The following TMEM38B variants were observed in gnomAD, a reference collection of about 807,000 sequenced individuals.
TMEM38B encodes trimeric intracellular cation channel type B.
In TMEM38B, 24 loss-of-function variants were observed where a neutral mutation model predicts 28.7. The ratio of observed to expected loss-of-function variants is 0.84; its 90% confidence interval spans 0.61 to 1.18. The LOEUF (loss-of-function observed/expected upper bound fraction) is 1.18, where lower values mean the gene tolerates loss of function less well. Ranked by LOEUF, TMEM38B falls within the 50% of genes most tolerant of loss-of-function variation. The pLI, the probability that TMEM38B is intolerant of heterozygous loss-of-function variation, is 0.00. For synonymous variants in TMEM38B, 131 were observed against 127.7 expected (o/e 1.03, Z -0.17); for missense variants, 380 against 350.9 (o/e 1.08, Z -0.66).
intron 5 of TMEM38B, among the ~76,000 whole-genome samples, chr9:105,769,768 C>T (rs1355924715): frequency 6.6e-6 from 1 of 151,920 alleles, no homozygotes; most frequent in Admixed American, 6.6e-5. Flanking sequence ...ATTTTTATTG[C>T]AATTGTGTTT....
rs571975078 is a variant in TMEM38B, at chr9:105,774,305, T to G, written c.*225T>G. 1.5e-4 allele frequency: 54 copies of G among 366,830 alleles called. No individual in the cohort carries two copies. The highest frequency in any genetic ancestry group is 1.1e-3 in the African/African-American group (54 of 48,116). The allele number at this position is 366,830 out of a possible 1,614,324, so 22.7% of individuals were successfully genotyped here. On this transcript the variant is annotated 3_prime_UTR_variant, in exon 6 of 6. Coordinates refer to ENST00000374692, the MANE Select transcript of TMEM38B (RefSeq NM_018112.3). ...ATTATGCTTTACCGGTATAAGAGAT[T>G]CTGTTGTGATTATTTGAATAGTTTT...
intron 5 of TMEM38B, among the ~76,000 whole-genome samples, chr9:105,769,782 G>C (rs1481621882): frequency 3.3e-5 from 5 of 152,036 alleles, no homozygotes; most frequent in African/African-American, 1.2e-4. Flanking sequence ...TGTGTTTATT[G>C]TTTATTGCAA....
At position 105,729,724 on chromosome 9, in the gene TMEM38B, T is replaced by G. The variant is rs1836661513; in HGVS notation, c.542+7103T>G. On this transcript the variant is annotated intron_variant, in intron 4 of 5. Coordinates refer to ENST00000374692, the MANE Select transcript of TMEM38B (RefSeq NM_018112.3). ...CTTCCTACCCATGAGCAAGGAATGTTCTTTCATTTGTTTGTGTCCTCTTTT... is the reference window on the plus strand; with the variant it reads ...CTTCCTACCCATGAGCAAGGAATGTGCTTTCATTTGTTTGTGTCCTCTTTT... Among the ~76,000 whole-genome samples the G allele has an allele frequency of 2.6e-5, 4 of 152,330 alleles. No homozygotes were observed. The South Asian group carries it at 8.3e-4, about 32-fold the overall frequency.
intron 5 of TMEM38B, among the ~76,000 whole-genome samples, chr9:105,749,847 G>A (rs1837580853): frequency 6.6e-6 from 1 of 152,146 alleles, no homozygotes; most frequent in Non-Finnish European, 1.5e-5. Context: ...AAATTTTTGT[G>A]TGGACATGTG....
chr9:105,770,867 T>C (rs900059548), intron 5 of TMEM38B, among the ~76,000 whole-genome samples: 1 of 152,220 alleles, frequency 6.6e-6, no homozygotes, highest in African/African-American at 2.4e-5. Flanking sequence ...TATAGATATA[T>C]TTCAGTATGC....
At chr9:105,766,995 G>A (rs1826396858) in intron 5 of TMEM38B, among the ~76,000 whole-genome samples, 1 of 149,292 alleles carries the variant, frequency 6.7e-6, no homozygotes, top group South Asian at 2.1e-4. Flanking sequence ...GCGGTGTTTA[G>A]TTTTCTGTCC....
At chr9:105,733,536 A>G (rs1255621894) in intron 4 of TMEM38B, among the ~76,000 whole-genome samples, 1 of 151,638 alleles carries the variant, frequency 6.6e-6, no homozygotes, top group Non-Finnish European at 1.5e-5. Flanking sequence ...AGTTTAAGAA[A>G]TATTGGTATT....
In TMEM38B at chr9:105,758,546, A is replaced by C. The variant is rs565113460; in HGVS notation, c.660+10356A>C. On this transcript the variant is annotated intron_variant, in intron 5 of 5. Transcript: ENST00000374692. The stretch of plus-strand genomic sequence containing the variant: ...AAGTTACAAGACAACAGACTATCCA[A>C]CTGTTGAGGAAATTTCTTAAGAATC... The C allele has an allele frequency of 4.1e-6, 5 of 1,232,768 alleles. No individual in the cohort carries two copies. In the South Asian group the frequency reaches 6.0e-5, roughly 15 times the overall value. 76.4% of individuals were successfully genotyped at this position (1,232,768 alleles called of 1,614,324 possible).
At chr9:105,713,266 C>T (rs1317860402) in intron 2 of TMEM38B, among the ~76,000 whole-genome samples, 2 of 152,182 alleles carry the variant, frequency 1.3e-5, no homozygotes, top group Non-Finnish European at 1.5e-5. Context: ...ACTCCAAACC[C>T]CTCCCCGACA....
chr9:105,719,566 C>T (rs1213301969), intron 2 of TMEM38B, among the ~76,000 whole-genome samples: 1 of 151,924 alleles, frequency 6.6e-6, no homozygotes, highest in East Asian at 1.9e-4. Flanking sequence ...GTTCTTTTGC[C>T]CTGTGGCTAC....
intron 4 of TMEM38B, among the ~76,000 whole-genome samples, chr9:105,727,809 G>T (rs1836571787): frequency 6.6e-6 from 1 of 152,122 alleles, no homozygotes; most frequent in South Asian, 2.1e-4. Flanking sequence ...GATCCCTCAT[G>T]AATTATTTAT....
intron 4 of TMEM38B, among the ~76,000 whole-genome samples, chr9:105,733,714 G>T (rs1439700521): frequency 1.3e-5 from 2 of 151,618 alleles, no homozygotes; most frequent in African/African-American, 4.8e-5. Flanking sequence ...TTTTTTTAAG[G>T]AATTTATTCA....
intron 5 of TMEM38B, among the ~76,000 whole-genome samples, chr9:105,756,693 C>T (rs1294605464): frequency 6.6e-6 from 1 of 151,992 alleles, no homozygotes; most frequent in African/African-American, 2.4e-5. Flanking sequence ...ACTTAAACAC[C>T]ATACTGCAAT....
intron 2 of TMEM38B, among the ~76,000 whole-genome samples, chr9:105,709,658 GC>G (rs569197910): frequency 4.6e-4 from 70 of 152,316 alleles, no homozygotes; most frequent in Non-Finnish European, 5.7e-4. Flanking sequence ...GAAGAGATGG[GC>G]CCTCTTAGCT....
At chr9:105,759,658 A>G in intron 5 of TMEM38B, 1 of 1,602,078 alleles carries the variant, frequency 6.2e-7, no homozygotes, top group East Asian at 2.2e-5. Context: ...TTTTCCAAAC[A>G]TAGAAGGACA....
At chr9:105,709,118 A>G (rs1009820204) in intron 2 of TMEM38B, among the ~76,000 whole-genome samples, 11 of 152,094 alleles carry the variant, frequency 7.2e-5, no homozygotes, top group African/African-American at 2.7e-4. Flanking sequence ...AGAACATACT[A>G]CATCAGTTGG....
chr9:105,775,394 A>G lies in TMEM38B; in HGVS notation c.*1314A>G, dbSNP rs2133662431. The G allele has an allele frequency of 6.6e-6, 1 of 152,266 alleles. No homozygotes were observed. Among genetic ancestry groups the G allele is most frequent in the Admixed American group, 6.5e-5 (1 of 15,290 alleles). The allele number at this position is 152,266 out of a possible 1,614,324, so 9.4% of individuals were successfully genotyped here. ...AGTTATAATATTAAAACTCTGTGAC[A>G]TAGTTTCTTTTACCAAAACCATGAA... On this transcript the variant is annotated 3_prime_UTR_variant, in exon 6 of 6. Transcript: ENST00000374692.
At position 105,774,291 on chromosome 9, in the gene TMEM38B, C is replaced by G; in HGVS notation, c.*211C>G. On this transcript the variant is annotated 3_prime_UTR_variant, in exon 6 of 6. Transcript: ENST00000374692. The stretch of plus-strand genomic sequence containing the variant: ...GAGTGTATCATGTGATTATGCTTTA[C>G]CGGTATAAGAGATTCTGTTGTGATT... 1 of 471,634 alleles carries G rather than the reference C, an allele frequency of 2.1e-6. No individual in the cohort carries two copies. Among genetic ancestry groups the G allele is most frequent in the Non-Finnish European group, 3.7e-6 (1 of 267,540 alleles). The allele number at this position is 471,634 out of a possible 1,614,324, so 29.2% of individuals were successfully genotyped here.
chr9:105,759,572 G>T, intron 5 of TMEM38B: 1 of 1,557,166 alleles, frequency 6.4e-7, no homozygotes, highest in Non-Finnish European at 8.8e-7. Flanking sequence ...AAACCAAGTT[G>T]CTGTTCTTTG....
Sources: gnomAD v4.1 joint callset for allele counts (sites outside exome capture counted in the v4.1 genomes callset) on GRCh38, gnomAD v4.1.1 for gene constraint, MANE v1.5 for transcripts, NCBI Gene and HGNC (gene_info 2026-07-23, HGNC 2026-07-21) for gene names.